AQR: variants seen among roughly 807,000 people sequenced by gnomAD.
AQR encodes RNA helicase aquarius.
A neutral mutation model predicts 180.5 loss-of-function variants in AQR; 61 were observed. The observed-to-expected ratio is 0.34, with a 90% CI of 0.28 to 0.42. The LOEUF (loss-of-function observed/expected upper bound fraction) is 0.42. AQR is among the 10% of genes least tolerant of loss of function. The pLI is 1.00. For missense variants in AQR, 1,281 were observed against 1,798.3 expected (o/e 0.71, Z 5.20); for synonymous variants, 551 against 588.8 (o/e 0.94, Z 0.93).
chr15:34,886,626 A>G lies in AQR; in HGVS notation c.2717T>C (p.Ile906Thr). 6.2e-7 allele frequency: 1 copy of G among 1,613,876 alleles called. No individual in the cohort carries two copies. The highest frequency in any genetic ancestry group is 8.5e-7 in the Non-Finnish European group (1 of 1,179,946). ...GRVNYVLARR[I>T]ELLEEVKRLQ... ...TCGTTTGACTTCTTCTAAAAGTTCT[A>G]TTCTTCGAGCCAGAACATAATTAAC... The change falls in exon 25 of 35, where the codon ATA becomes ACA. Residue 906 changes from isoleucine (I) to threonine (T), a missense_variant. Ile to Thr is a moderately conservative substitution (Grantham distance 89). This residue lies in a region of AQR where 125 missense variants were observed against 185.0 expected (regional missense o/e 0.68). Transcript: ENST00000156471.
At chr15:34,959,543 T>C (rs2050262083) in intron 3 of AQR, among the ~76,000 whole-genome samples, 1 of 152,138 alleles carries the variant, frequency 6.6e-6, no homozygotes, top group African/African-American at 2.4e-5. Context: ...AGCTCTTAAG[T>C]AGCTAGAATT....
intron 3 of AQR, among the ~76,000 whole-genome samples, chr15:34,954,309 GTCTT>G: frequency 6.6e-6 from 1 of 151,858 alleles, no homozygotes; most frequent in South Asian, 2.1e-4. Flanking sequence ...TGAAAAATAA[GTCTT>G]TTTTTTTTTC....
At position 34,938,719 on chromosome 15, in the gene AQR, G is replaced by A. The variant is rs1483894223; in HGVS notation, c.718+18C>T. On this transcript the variant is annotated intron_variant, in intron 9 of 34. Coordinates refer to ENST00000156471, the MANE Select transcript of AQR (RefSeq NM_014691.3). ...TATATGATAATTTCACAAATGCACTGAGTAAAAAAGAAGATACCAGAAAGT... is the reference window on the plus strand; with the variant it reads ...TATATGATAATTTCACAAATGCACTAAGTAAAAAAGAAGATACCAGAAAGT... The A allele has an allele frequency of 7.3e-7, 1 of 1,374,390 alleles. No individual in the cohort carries two copies. The highest frequency in any genetic ancestry group is 1.8e-5 in the African/African-American group (1 of 54,648). The allele number at this position is 1,374,390 out of a possible 1,614,324, so 85.1% of individuals were successfully genotyped here.
chr15:34,891,443 G>A (rs931849262), intron 23 of AQR, among the ~76,000 whole-genome samples: 18 of 152,108 alleles, frequency 1.2e-4, no homozygotes, highest in African/African-American at 4.3e-4. Flanking sequence ...ATGAAGATCT[G>A]GCAAACAAAA....
intron 15 of AQR, 53 bp from the exon 16 acceptor site, chr15:34,915,232 A>T: frequency 7.0e-7 from 1 of 1,433,952 alleles, no homozygotes; most frequent in Non-Finnish European, 9.3e-7. Context: ...TTTGAGACGG[A>T]GTCTCACTCT....
chr15:34,944,146 G>T, intron 6 of AQR, 142 bp downstream of exon 6: 1 of 685,480 alleles, frequency 1.5e-6, no homozygotes. Flanking sequence ...ACTGATAAGT[G>T]GCTGAAATCA....
intron 13 of AQR, among the ~76,000 whole-genome samples, chr15:34,922,932 C>T (rs1185112233): frequency 6.6e-6 from 1 of 152,138 alleles, no homozygotes. Flanking sequence ...ATCTATCTAC[C>T]TACTTTGGTC....
rs779285666 is a variant in AQR at position 34,969,569 on chromosome 15, C to T, written c.45G>A (p.Val15=). 1.5e-5 allele frequency: 24 copies of T among 1,613,690 alleles called. No individual in the cohort carries two copies. The East Asian group carries it at 4.7e-4, about 31-fold the overall frequency. ...TCACGAACTCCGCATTGATTTGGGA[C>T]ACCGTAGGGGCCACGATCTTCTTGG... ...AQPKKIVAPT[V]SQINAEFVTQ... Residue 15 remains valine, a synonymous_variant, in exon 1 of 35, where the codon GTG becomes GTA. Coordinates refer to ENST00000156471, the MANE Select transcript of AQR (RefSeq NM_014691.3).
intron 5 of AQR, among the ~76,000 whole-genome samples, chr15:34,946,270 C>T (rs1177108408): frequency 6.6e-6 from 1 of 152,212 alleles, no homozygotes; most frequent in Admixed American, 6.5e-5. Context: ...TAAATTCAGT[C>T]TCAAAACAAA....
chr15:34,907,950 T>C (rs1595793509), intron 17 of AQR, among the ~76,000 whole-genome samples: 1 of 152,306 alleles, frequency 6.6e-6, no homozygotes, highest in Middle Eastern at 3.4e-3. Context: ...AAATCCTATA[T>C]GTCTCTCTCC....
chr15:34,880,043 G>C (rs1045834029), intron 27 of AQR, among the ~76,000 whole-genome samples: 5 of 152,064 alleles, frequency 3.3e-5, no homozygotes, highest in Non-Finnish European at 7.4e-5. Context: ...AGATTATAGG[G>C]CTTCCTGACA....
chr15:34,947,079 G>C (rs1164366421), intron 5 of AQR, among the ~76,000 whole-genome samples: 1 of 152,224 alleles, frequency 6.6e-6, no homozygotes, highest in Non-Finnish European at 1.5e-5. Flanking sequence ...GAGGGGAAAG[G>C]TGGGGAAAAG....
intron 1 of AQR, among the ~76,000 whole-genome samples, chr15:34,965,639 C>T (rs2050306650): frequency 6.6e-6 from 1 of 152,098 alleles, no homozygotes; most frequent in Admixed American, 6.5e-5. Context: ...CCACTGCACT[C>T]CAGCCTGGGC....
intron 5 of AQR, among the ~76,000 whole-genome samples, chr15:34,947,858 T>C (rs979526959): frequency 1.3e-5 from 2 of 152,174 alleles, no homozygotes; most frequent in African/African-American, 4.8e-5. Context: ...CAGGCTGGTC[T>C]TGAACTCCTG....
At chr15:34,899,113 T>A (rs890887169) in intron 20 of AQR, among the ~76,000 whole-genome samples, 1 of 149,986 alleles carries the variant, frequency 6.7e-6, no homozygotes. Flanking sequence ...GAGCTTGCAG[T>A]GAGCAGAGAC....
At chr15:34,895,521 A>G (rs974147099) in intron 22 of AQR, among the ~76,000 whole-genome samples, 3 of 152,064 alleles carry the variant, frequency 2.0e-5, no homozygotes, top group African/African-American at 7.2e-5. Flanking sequence ...AATATCGTGC[A>G]AACACCACTT....
intron 14 of AQR, among the ~76,000 whole-genome samples, chr15:34,919,918 C>A (rs965937914): frequency 2.0e-5 from 3 of 151,302 alleles, no homozygotes; most frequent in African/African-American, 4.9e-5. Flanking sequence ...AACAAACAAA[C>A]AAACAAAAAA....
intron 1 of AQR, among the ~76,000 whole-genome samples, chr15:34,969,182 G>T (rs1484772788): frequency 6.6e-6 from 1 of 152,184 alleles, no homozygotes; most frequent in Non-Finnish European, 1.5e-5. Context: ...GCATCACTCT[G>T]CTGCGAAGCC....
chr15:34,876,570 C>A (rs895309847), intron 27 of AQR, among the ~76,000 whole-genome samples: 2 of 152,120 alleles, frequency 1.3e-5, no homozygotes, highest in South Asian at 2.1e-4. Context: ...ATCCAAGCCA[C>A]CACTATGACT....
Sources: allele counts gnomAD v4.1 joint callset (sites outside exome capture counted in the v4.1 genomes callset), GRCh38; gene constraint gnomAD v4.1.1; regional missense constraint gnomAD v4.1.1; transcripts MANE v1.5; gene names NCBI Gene and HGNC (gene_info 2026-07-23, HGNC 2026-07-21).